INTS6: variants seen among roughly 807,000 people sequenced by gnomAD.
The protein encoded by INTS6 is integrator complex subunit 6, also known as DEAD box protein.
In INTS6, 16 loss-of-function variants were observed where a neutral mutation model predicts 104.9. That is an observed-to-expected ratio of 0.15 (90% CI 0.10 to 0.23). INTS6 has a LOEUF of 0.23. Ranked by LOEUF, INTS6 falls within the 10% of genes least tolerant of loss-of-function variation. INTS6 has a pLI of 1.00. For missense variants in INTS6, 584 were observed against 1,062.8 expected (o/e 0.55, Z 6.26); for synonymous variants, 324 against 358.7 (o/e 0.90, Z 1.09).
chr13:51,347,176 T>C, the INTS6 span: 1 of 1,613,982 alleles, frequency 6.2e-7, no homozygotes, highest in Non-Finnish European at 8.5e-7. Context: ...CTTTCACCTG[T>C]GCCTATGGCC....
intron 4 of INTS6, among the ~76,000 whole-genome samples, chr13:51,406,968 T>C (rs1039737745): frequency 4.0e-5 from 6 of 151,750 alleles, no homozygotes; most frequent in African/African-American, 1.5e-4. Context: ...CCCAAGACAA[T>C]TGTTCTTCCT....
At chr13:51,400,270 T>G (rs1235368683) in intron 4 of INTS6, among the ~76,000 whole-genome samples, 3 of 152,228 alleles carry the variant, frequency 2.0e-5, no homozygotes, top group African/African-American at 7.2e-5. Flanking sequence ...TTGGATACAT[T>G]ATAGTATTGC....
intron 4 of INTS6, among the ~76,000 whole-genome samples, chr13:51,410,197 G>A (rs1956658920): frequency 6.6e-6 from 1 of 152,060 alleles, no homozygotes; most frequent in South Asian, 2.1e-4. Flanking sequence ...AATAAAAATT[G>A]CAGTAAGCTT....
Position 51,452,226 on chromosome 13 carries a change from G to GCCGGAGCCCGGGC in INTS6, c.111+176_112-172dup. 1.5e-6 allele frequency: 1 copy of GCCGGAGCCCGGGC among 650,172 alleles called. No homozygotes were observed. Among genetic ancestry groups the GCCGGAGCCCGGGC allele is most frequent in the Non-Finnish European group, 2.2e-6 (1 of 464,304 alleles). 40.3% of individuals were successfully genotyped at this position (650,172 alleles called of 1,614,324 possible). A position where few individuals can be genotyped will look rare whatever the true frequency, so the allele number is the denominator to read the frequency against. On this transcript the variant is annotated intron_variant, in intron 1 of 17. Transcript: ENST00000311234. This position sits in a 1 kb window ranked among gnomAD's most constrained non-coding sequence, Gnocchi z 4.2. ...GATCGCTCCCCACACACCGCCCGGG[G>GCCGGAGCCCGGGC]CCGGAGCCCGGGCCCCGGCCGAACC... is the stretch of plus-strand genomic sequence containing the variant.
chr13:51,376,053 T>C lies in INTS6; in HGVS notation c.1724A>G (p.Asp575Gly). 6.2e-7 allele frequency: 1 copy of C among 1,608,892 alleles called. No individual in the cohort carries two copies. Among genetic ancestry groups the C allele is most frequent in the Non-Finnish European group, 8.5e-7 (1 of 1,178,480 alleles). ...TATTGAAACTATGTTCTAACCTTCGTCCTGTCCTTTCAGAAATCTGCGAGT... is the reference window on the plus strand; with the variant it reads ...TATTGAAACTATGTTCTAACCTTCGCCCTGTCCTTTCAGAAATCTGCGAGT... ...KSTRRFLKGQ[D>G]EDQVHSVPIA... Residue 575 changes from aspartate to glycine, a missense_variant, in exon 13 of 18, where the codon GAC (aspartate) becomes GGC (glycine). By Grantham distance (94) the Asp-to-Gly change is moderately conservative. Around this residue, in one of 5 missense-constraint regions of INTS6, gnomAD observed 296 missense variants for 437.0 expected, o/e 0.68. Coordinates refer to ENST00000311234, the MANE Select transcript of INTS6 (RefSeq NM_012141.3).
rs964453711 is a variant in INTS6, at chr13:51,364,479, T to C, written c.*1273A>G. 1.1e-5 allele frequency: 5 copies of C among 472,166 alleles called. No individual in the cohort carries two copies. The highest frequency in any genetic ancestry group is 1.9e-5 in the Non-Finnish European group (5 of 268,276). 29.2% of individuals were successfully genotyped at this position (472,166 alleles called of 1,614,324 possible). ...TTGCCTACTCTTAATCCAAATCTAT[T>C]TTGACCTTCTTTTCTACTGCTTACC... On this transcript the variant is annotated 3_prime_UTR_variant, in exon 18 of 18. Coordinates refer to ENST00000311234, the MANE Select transcript of INTS6 (RefSeq NM_012141.3).
intron 7 of INTS6, among the ~76,000 whole-genome samples, chr13:51,386,762 G>GA (rs199516368): frequency 2.6e-5 from 4 of 151,136 alleles, no homozygotes; most frequent in Non-Finnish European, 5.9e-5. Context: ...CAGATACTTA[G>GA]AAAAAAAATA....
In INTS6 at chr13:51,383,750, GA is replaced by G. The variant is rs1566214608; in HGVS notation, c.895-10del. ...TGAGATGTACGAGGTGGCTAAAGGG[GA>G]AAGTCTTGTAATTACTACTTACATG... is the stretch of plus-strand genomic sequence containing the variant. On this transcript the variant is annotated splice_polypyrimidine_tract_variant and intron_variant, in intron 7 of 17. Coordinates refer to ENST00000311234, the MANE Select transcript of INTS6 (RefSeq NM_012141.3). 6.3e-7 allele frequency: 1 copy of G among 1,592,390 alleles called. No individual in the cohort carries two copies. The highest frequency in any genetic ancestry group is 1.1e-5 in the South Asian group (1 of 87,608).
rs1955645897 is a variant in INTS6, at chr13:51,364,433, T to G, written c.*1319A>C. ...TTATAAACCTAAAAATACTTCAGTT[T>G]TTAAATGTTATAAGTTTATTTTGCC... On this transcript the variant is annotated 3_prime_UTR_variant, in exon 18 of 18. Coordinates refer to ENST00000311234, the MANE Select transcript of INTS6 (RefSeq NM_012141.3). 4.1e-6 allele frequency: 2 copies of G among 491,462 alleles called. No individual in the cohort carries two copies. Among genetic ancestry groups the G allele is most frequent in the Admixed American group, 3.8e-5 (1 of 26,022 alleles). The allele number at this position is 491,462 out of a possible 1,614,324, so 30.4% of individuals were successfully genotyped here.
intron 2 of INTS6, 47 bp downstream of exon 2, chr13:51,451,931 G>A: frequency 2.1e-6 from 3 of 1,456,550 alleles, no homozygotes; most frequent in Middle Eastern, 1.8e-4. Flanking sequence ...GAGCGAGGAA[G>A]GAACAGGGAA....
chr13:51,445,598 A>G (rs746802739), intron 3 of INTS6: 6 of 152,258 alleles, frequency 3.9e-5, no homozygotes, highest in Non-Finnish European at 7.3e-5. Flanking sequence ...AACTTGGAAT[A>G]AGAAGTAGCA....
the INTS6 span, chr13:51,344,618 T>A: frequency 3.9e-3 from 2,765 of 702,112 alleles, 62 homozygotes; most frequent in African/African-American, 0.045. Context: ...TCTTAGGAGA[T>A]CCTACCCTTG....
rs1384495690 is a variant in INTS6 at position 51,420,335 on chromosome 13, T to TA, written c.429+9958dup. ...TTTTTACTAATATAGGTGGTTCATT[T>TA]AAAAAAAAAAAGTTAAGTCTTAGGA... On this transcript the variant is annotated intron_variant, in intron 4 of 17. Coordinates refer to ENST00000311234, the MANE Select transcript of INTS6 (RefSeq NM_012141.3). Among the ~76,000 whole-genome samples the TA allele has an allele frequency of 6.1e-3, 897 of 145,884 alleles. 9 individuals are homozygous for TA. The highest frequency in any genetic ancestry group is 9.5e-3 in the Non-Finnish European group (625 of 65,922).
At position 51,364,158 on chromosome 13, in the gene INTS6, T is replaced by C. The variant is rs1955638894; in HGVS notation, c.*1594A>G. 1.6e-6 allele frequency: 1 copy of C among 631,302 alleles called. No individual in the cohort carries two copies. Among genetic ancestry groups the C allele is most frequent in the Non-Finnish European group, 2.6e-6 (1 of 387,540 alleles). 39.1% of individuals were successfully genotyped at this position (631,302 alleles called of 1,614,324 possible). On this transcript the variant is annotated 3_prime_UTR_variant, in exon 18 of 18. Coordinates refer to ENST00000311234, the MANE Select transcript of INTS6 (RefSeq NM_012141.3). ...AATGTTATCTTGCATTACTTAAAAGTATTTGTATAGAAGTAAACAAAGCTT... is the reference window on the plus strand; with the variant it reads ...AATGTTATCTTGCATTACTTAAAAGCATTTGTATAGAAGTAAACAAAGCTT...
chr13:51,386,762 GA>G (rs199516368), intron 7 of INTS6, among the ~76,000 whole-genome samples: 91 of 151,254 alleles, frequency 6.0e-4, no homozygotes, highest in African/African-American at 1.6e-3. Context: ...CAGATACTTA[GA>G]AAAAAAATAT....
At chr13:51,427,117 A>G (rs1012771150) in intron 4 of INTS6, among the ~76,000 whole-genome samples, 1 of 152,174 alleles carries the variant, frequency 6.6e-6, no homozygotes, top group African/African-American at 2.4e-5. Context: ...ACAATGTTGG[A>G]TAACATGACT....
chr13:51,375,145 A>C (rs1179421185), intron 13 of INTS6, among the ~76,000 whole-genome samples: 2 of 151,926 alleles, frequency 1.3e-5, no homozygotes, highest in African/African-American at 2.4e-5. Flanking sequence ...ACTTGAGGTA[A>C]GGAATGAGAC....
At chr13:51,418,239 T>C (rs1006628283) in intron 4 of INTS6, among the ~76,000 whole-genome samples, 1 of 152,238 alleles carries the variant, frequency 6.6e-6, no homozygotes, top group Admixed American at 6.5e-5. Context: ...ACATATTTAT[T>C]GAATGAAATT....
At chr13:51,346,141 AGT>A in the INTS6 span, among the ~76,000 whole-genome samples, 1 of 152,228 alleles carries the variant, frequency 6.6e-6, no homozygotes, top group Non-Finnish European at 1.5e-5. Flanking sequence ...CCTATCACAA[AGT>A]GTGTGCATAT....
Sources: allele counts gnomAD v4.1 joint callset (sites outside exome capture counted in the v4.1 genomes callset), GRCh38; gene constraint gnomAD v4.1.1; regional missense constraint gnomAD v4.1.1; non-coding constraint Gnocchi (gnomAD v3.1); transcripts MANE v1.5; gene names NCBI Gene and HGNC (gene_info 2026-07-23, HGNC 2026-07-21).